OLFML1: variants seen among roughly 807,000 people sequenced by gnomAD.
OLFML1 encodes olfactomedin-like protein 1.
A neutral mutation model predicts 37.3 loss-of-function variants in OLFML1; 33 were observed. The ratio of observed to expected loss-of-function variants is 0.88; its 90% CI spans 0.67 to 1.18. OLFML1 has a LOEUF of 1.18. Ranked by LOEUF, OLFML1 falls within the 50% of genes most tolerant of loss-of-function variation. The pLI, the probability that OLFML1 is intolerant of heterozygous loss-of-function variation, is 0.00. For missense variants in OLFML1, 545 were observed against 483.7 expected (o/e 1.13, Z -1.19); for synonymous variants, 186 against 181.3 (o/e 1.03, Z -0.21).
intron 2 of OLFML1, among the ~76,000 whole-genome samples, chr11:7,501,494 T>C (rs1848725382): frequency 6.6e-6 from 1 of 152,224 alleles, no homozygotes; most frequent in South Asian, 2.1e-4. Context: ...CTGAGAGACT[T>C]CTACAGCTTG....
At chr11:7,508,116 G>A (rs1039694531) in intron 2 of OLFML1, among the ~76,000 whole-genome samples, 5 of 152,092 alleles carry the variant, frequency 3.3e-5, no homozygotes, top group African/African-American at 9.7e-5. Flanking sequence ...ATAGATATAC[G>A]GTTCATTAAG....
chr11:7,509,998 G>A lies in OLFML1; in HGVS notation c.1019G>A (p.Arg340His), dbSNP rs76280703. 32,420 of 1,614,192 alleles carry A rather than the reference G, an allele frequency of 0.02. 402 individuals carry two copies. Among genetic ancestry groups the A allele is most frequent in the Non-Finnish European group, 0.025 (28,940 of 1,180,024 alleles). ...VYSTGGQGPH[R>H]ITCIYDPLGT... ...AGTACTGGGGGCCAGGGCCCTCATC[G>A]CATCACCTGCATCTATGATCCACTG... The change falls in exon 3 of 3, where the codon CGC becomes CAC. Residue 340 changes from arginine (R) to histidine (H), a missense_variant. By Grantham distance (29) the Arg-to-His change is conservative. Coordinates refer to ENST00000329293, the MANE Select transcript of OLFML1 (RefSeq NM_198474.4).
chr11:7,490,449 T>G (rs900505176), intron 2 of OLFML1, among the ~76,000 whole-genome samples: 1 of 152,126 alleles, frequency 6.6e-6, no homozygotes, highest in Non-Finnish European at 1.5e-5. Context: ...GTCTGAATAG[T>G]GGTGCTGAAT....
At chr11:7,502,186 G>C (rs1848731704) in intron 2 of OLFML1, among the ~76,000 whole-genome samples, 1 of 152,178 alleles carries the variant, frequency 6.6e-6, no homozygotes, top group Non-Finnish European at 1.5e-5. Flanking sequence ...ACAAGTGCAA[G>C]AGCCCCGAGG....
In OLFML1 at chr11:7,488,399, G is replaced by A; in HGVS notation, c.402G>A (p.Arg134=). 1 of 1,613,130 alleles carries A rather than the reference G, an allele frequency of 6.2e-7. No homozygotes were observed. Among genetic ancestry groups the A allele is most frequent in the Non-Finnish European group, 8.5e-7 (1 of 1,179,562 alleles). ...AAGCTGAAGAAGAGAAAAAGATCCG[G>A]ACTCTGCTGAATGCAAGTAAGAAAA... ...LQEAEEEKKI[R]TLLNASCDNM... is the part of the protein sequence containing the mutation. Residue 134 remains arginine, a synonymous_variant, in exon 2 of 3, where the codon CGG becomes CGA. Transcript: ENST00000329293.
rs540424901 is a variant in OLFML1, at chr11:7,502,852, C to T, written c.419-6546C>T. ...AACCCCTGACCTTAGGTGATCTGCCCACCTTGGCCTCCCAAAGTGCTAGGA... is the reference window on the plus strand; with the variant it reads ...AACCCCTGACCTTAGGTGATCTGCCTACCTTGGCCTCCCAAAGTGCTAGGA... On this transcript the variant is annotated intron_variant, in intron 2 of 2. Coordinates refer to ENST00000329293, the MANE Select transcript of OLFML1 (RefSeq NM_198474.4). Among the ~76,000 whole-genome samples the T allele has an allele frequency of 1.6e-4, 24 of 152,282 alleles. No individual in the cohort carries two copies. The South Asian group carries it at 4.8e-3, about 30-fold the overall frequency.
Position 7,509,502 on chromosome 11 carries a change from G to GTGTACTTAT in OLFML1, c.525_533dup (p.Tyr176_Leu178dup), listed in dbSNP as rs770291904. The stretch of plus-strand genomic sequence containing the variant: ...AGATGCTGTCTATAACTCTCCAAAG[G>GTGTACTTAT]TGTACTTATTAATTGGATCCAGAAA... On this transcript the variant is annotated inframe_insertion, in exon 3 of 3. Transcript: ENST00000329293. 73 of 1,614,100 alleles carry GTGTACTTAT rather than the reference G, an allele frequency of 4.5e-5. No individual in the cohort carries two copies. The Admixed American group carries it at 1.2e-3, about 26-fold the overall frequency.
rs142797668 is a variant in OLFML1, at chr11:7,510,007, G to A, written c.1028G>A (p.Cys343Tyr). ...TGGQGPHRIT[C>Y]IYDPLGTISE... The stretch of plus-strand genomic sequence containing the variant: ...GGCCAGGGCCCTCATCGCATCACCT[G>A]CATCTATGATCCACTGGGCACTATC... The change falls in exon 3 of 3, where the codon TGC becomes TAC. Residue 343 changes from cysteine to tyrosine, a missense_variant. Transcript: ENST00000329293. The A allele has an allele frequency of 9.0e-5, 145 of 1,614,206 alleles. No homozygotes were observed. In the African/African-American group the frequency reaches 1.0e-3, roughly 11 times the overall value.
chr11:7,492,574 A>T (rs1184614826), intron 2 of OLFML1, among the ~76,000 whole-genome samples: 1 of 152,224 alleles, frequency 6.6e-6, no homozygotes, highest in East Asian at 1.9e-4. Flanking sequence ...ATAATAAGAT[A>T]AAATTGTTCT....
Position 7,510,242 on chromosome 11 carries a change from C to A in OLFML1, c.*54C>A. 3 of 1,418,142 alleles carry A rather than the reference C, an allele frequency of 2.1e-6. No individual in the cohort carries two copies. The highest frequency in any genetic ancestry group is 2.9e-6 in the Non-Finnish European group (3 of 1,042,270). 87.8% of individuals were successfully genotyped at this position (1,418,142 alleles called of 1,614,324 possible). A position where few individuals can be genotyped will look rare whatever the true frequency, so the allele number is the denominator to read the frequency against. Reference sequence around the variant, plus strand: ...TGGCTTTGGCAGCTGTTCTACAGGACAGTGAGGCTATAGCCCCTTCACAAT... The same window carrying A: ...TGGCTTTGGCAGCTGTTCTACAGGAAAGTGAGGCTATAGCCCCTTCACAAT... On this transcript the variant is annotated 3_prime_UTR_variant, in exon 3 of 3. Coordinates refer to ENST00000329293, the MANE Select transcript of OLFML1 (RefSeq NM_198474.4).
intron 2 of OLFML1, among the ~76,000 whole-genome samples, chr11:7,499,857 T>C (rs77617109): frequency 0.024 from 3,632 of 152,292 alleles, 131 homozygotes; most frequent in African/African-American, 0.082. Context: ...TTTTATTTTA[T>C]TGACTGATTT....
chr11:7,490,995 A>G (rs1848589207), intron 2 of OLFML1, among the ~76,000 whole-genome samples: 1 of 152,148 alleles, frequency 6.6e-6, no homozygotes, highest in Non-Finnish European at 1.5e-5. Flanking sequence ...CTTTTACATA[A>G]GAAAGGCCCT....
chr11:7,508,251 C>T (rs1374955713), intron 2 of OLFML1, among the ~76,000 whole-genome samples: 5 of 152,174 alleles, frequency 3.3e-5, no homozygotes, highest in Non-Finnish European at 2.9e-5. Context: ...AGAGAATCCA[C>T]ATTTTAATAA....
At position 7,510,951 on chromosome 11, in the gene OLFML1, C is replaced by T. The variant is rs889641573; in HGVS notation, c.*763C>T. On this transcript the variant is annotated 3_prime_UTR_variant, in exon 3 of 3. Coordinates refer to ENST00000329293, the MANE Select transcript of OLFML1 (RefSeq NM_198474.4). ...GAGTGTTTGCACATCATTTAATTCTCGTTTCACCTTTGTGAAACATGCACA... is the reference window on the plus strand; with the variant it reads ...GAGTGTTTGCACATCATTTAATTCTTGTTTCACCTTTGTGAAACATGCACA... 3 of 152,212 alleles carry T rather than the reference C, an allele frequency of 2.0e-5. No homozygotes were observed. The highest frequency in any genetic ancestry group is 6.5e-5 in the Admixed American group (1 of 15,284). The allele number at this position is 152,212 out of a possible 1,614,324, so 9.4% of individuals were successfully genotyped here.
In OLFML1 at chr11:7,509,493, T is replaced by A; in HGVS notation, c.514T>A (p.Ser172Thr). Residue 172 changes from serine to threonine, a missense_variant, in exon 3 of 3, where the codon TCT becomes ACT. Transcript: ENST00000329293. ...GSWMKDAVYN[S>T]PKVYLLIGSR... Reference sequence around the variant, plus strand: ...TTGGATGAAAGATGCTGTCTATAACTCTCCAAAGGTGTACTTATTAATTGG... The same window carrying A: ...TTGGATGAAAGATGCTGTCTATAACACTCCAAAGGTGTACTTATTAATTGG... 2 of 1,613,920 alleles carry A rather than the reference T, an allele frequency of 1.2e-6. No individual in the cohort carries two copies. The highest frequency in any genetic ancestry group is 2.7e-5 in the African/African-American group (2 of 75,006).
chr11:7,489,484 G>C (rs1848569490), intron 2 of OLFML1, among the ~76,000 whole-genome samples: 3 of 151,886 alleles, frequency 2.0e-5, no homozygotes, highest in African/African-American at 2.4e-5. Context: ...GCAGGACCCA[G>C]TTAATGAGAG....
chr11:7,495,338 C>T (rs1420458541), intron 2 of OLFML1, among the ~76,000 whole-genome samples: 1 of 151,720 alleles, frequency 6.6e-6, no homozygotes, highest in Non-Finnish European at 1.5e-5. Flanking sequence ...AAAGCAACCC[C>T]CCCAAAAATA....
intron 2 of OLFML1, 78 bp from the exon 3 acceptor site, chr11:7,509,320 C>T (rs1848823642): frequency 3.6e-6 from 4 of 1,100,356 alleles, no homozygotes; most frequent in Non-Finnish European, 5.3e-6. Context: ...ACAAGATTTA[C>T]CAAGCATGGG....
intron 2 of OLFML1, among the ~76,000 whole-genome samples, chr11:7,503,814 G>T (rs556078584): frequency 6.6e-6 from 1 of 152,170 alleles, no homozygotes; most frequent in Non-Finnish European, 1.5e-5. Flanking sequence ...GGGAAGGATG[G>T]CAGAGAATGT....
Sources: gnomAD v4.1 joint callset for allele counts (sites outside exome capture counted in the v4.1 genomes callset) on GRCh38, gnomAD v4.1.1 for gene constraint, MANE v1.5 for transcripts, NCBI Gene and HGNC (gene_info 2026-07-23, HGNC 2026-07-21) for gene names.